Variants in CNTNAP2 observed in about 807,000 individuals in gnomAD.
The protein encoded by CNTNAP2 is contactin-associated protein-like 2.
In CNTNAP2, 98 loss-of-function variants were observed where a neutral mutation model predicts 155.2. The observed-to-expected ratio is 0.63, with a 90% CI of 0.54 to 0.75. CNTNAP2 has a LOEUF of 0.75. Among genes scored for constraint, CNTNAP2 ranks in the 30% least tolerant of loss-of-function variants. CNTNAP2 has a pLI of 0.00. For synonymous variants in CNTNAP2, 651 were observed against 631.2 expected, an observed-to-expected ratio of 1.03 and a Z score of -0.47; for missense variants, 1,727 against 1,688.1, an observed-to-expected ratio of 1.02 and a Z score of -0.40.
At chr7:147,596,212 C>T (rs868557262) in intron 12 of CNTNAP2, among the ~76,000 whole-genome samples, 1 of 152,190 alleles carries the variant, frequency 6.6e-6, no homozygotes, top group East Asian at 1.9e-4. Context: ...AGTCATCATA[C>T]ACACTCGTCT....
chr7:146,681,904 A>T (rs373946829), intron 1 of CNTNAP2, among the ~76,000 whole-genome samples: 1 of 152,174 alleles, frequency 6.6e-6, no homozygotes, highest in Non-Finnish European at 1.5e-5. Flanking sequence ...TCTATTCATC[A>T]TCTCTATCTA....
chr7:147,659,459 T>C (rs561750076), intron 13 of CNTNAP2, among the ~76,000 whole-genome samples: 1 of 152,222 alleles, frequency 6.6e-6, no homozygotes, highest in Non-Finnish European at 1.5e-5. Context: ...GAAACTGTTG[T>C]GATAATAAAT....
At chr7:147,465,122 TAGAA>T (rs893563269) in intron 10 of CNTNAP2, among the ~76,000 whole-genome samples, 1 of 151,960 alleles carries the variant, frequency 6.6e-6, no homozygotes, top group Non-Finnish European at 1.5e-5. Flanking sequence ...GACACAAAGA[TAGAA>T]AGAGTAGACA....
At chr7:148,313,446 C>CA (rs1025361094) in intron 21 of CNTNAP2, among the ~76,000 whole-genome samples, 1 of 150,168 alleles carries the variant, frequency 6.7e-6, no homozygotes, top group Non-Finnish European at 1.5e-5. Context: ...ACAGATGGGA[C>CA]ATGGCTTAGG....
chr7:147,414,286 C>T (rs907046034), intron 10 of CNTNAP2, among the ~76,000 whole-genome samples: 1 of 151,826 alleles, frequency 6.6e-6, no homozygotes, highest in Non-Finnish European at 1.5e-5. Flanking sequence ...TAGCTGGGCT[C>T]TGTGGCAGGT....
chr7:147,712,619 T>C (rs1182046690), intron 13 of CNTNAP2, among the ~76,000 whole-genome samples: 1 of 152,086 alleles, frequency 6.6e-6, no homozygotes, highest in Non-Finnish European at 1.5e-5. Flanking sequence ...CTGGAAACCA[T>C]CATTCTGAGC....
chr7:146,531,869 C>T (rs961590210), intron 1 of CNTNAP2, among the ~76,000 whole-genome samples: 1 of 152,068 alleles, frequency 6.6e-6, no homozygotes, highest in Non-Finnish European at 1.5e-5. Context: ...ACAACATAAA[C>T]TTCTTGAGCA....
At chr7:147,348,013 C>A (rs1351335937) in intron 9 of CNTNAP2, among the ~76,000 whole-genome samples, 1 of 151,998 alleles carries the variant, frequency 6.6e-6, no homozygotes, top group Non-Finnish European at 1.5e-5. Flanking sequence ...CCACCTCACA[C>A]ATAATCAACT....
In CNTNAP2 at chr7:146,395,579, G is replaced by A. The variant is rs536097437; in HGVS notation, c.97+278606G>A. On this transcript the variant is annotated intron_variant, in intron 1 of 23. Coordinates refer to ENST00000361727, the MANE Select transcript of CNTNAP2 (RefSeq NM_014141.6). Reference sequence around the variant, plus strand: ...GTTTAAAACTATTGCTATGGGAAATGAATTGAACAAATCATGTGCTTACCT... The same window carrying A: ...GTTTAAAACTATTGCTATGGGAAATAAATTGAACAAATCATGTGCTTACCT... Among the ~76,000 whole-genome samples, 40 of 152,150 alleles carry A rather than the reference G, an allele frequency of 2.6e-4. No homozygotes were observed. In the South Asian group the frequency reaches 4.4e-3, roughly 17 times the overall value.
At chr7:147,510,867 A>G (rs1799005625) in intron 11 of CNTNAP2, among the ~76,000 whole-genome samples, 1 of 143,102 alleles carries the variant, frequency 7.0e-6, no homozygotes, top group Non-Finnish European at 1.5e-5. Context: ...ATATATATAT[A>G]TATAATGCTT....
chr7:146,652,371 T>A (rs1799929578), intron 1 of CNTNAP2, among the ~76,000 whole-genome samples: 1 of 152,168 alleles, frequency 6.6e-6, no homozygotes, highest in South Asian at 2.1e-4. Flanking sequence ...TGTGGGCTAC[T>A]TCTGTTTTCA....
chr7:147,990,010 CTT>C (rs1301232697), intron 15 of CNTNAP2, among the ~76,000 whole-genome samples: 1 of 151,980 alleles, frequency 6.6e-6, no homozygotes, highest in African/African-American at 2.4e-5. Context: ...CAGCTGCAAA[CTT>C]GGGTGGCTCT....
At chr7:146,421,731 A>G (rs1036959362) in intron 1 of CNTNAP2, among the ~76,000 whole-genome samples, 1 of 152,080 alleles carries the variant, frequency 6.6e-6, no homozygotes, top group African/African-American at 2.4e-5. Context: ...ACCATAGAAG[A>G]TATCATAGAC....
chr7:146,691,178 T>C (rs1800691852), intron 1 of CNTNAP2, among the ~76,000 whole-genome samples: 1 of 152,152 alleles, frequency 6.6e-6, no homozygotes, highest in Non-Finnish European at 1.5e-5. Flanking sequence ...GTAATCACCT[T>C]CTTTAGGAAA....
At chr7:147,784,386 A>ATG (rs1554434463) in intron 13 of CNTNAP2, among the ~76,000 whole-genome samples, 2 of 100,916 alleles carry the variant, frequency 2.0e-5, no homozygotes, top group African/African-American at 1.2e-4. Flanking sequence ...AAAAACATAT[A>ATG]TATATATATA....
rs1037070328 is a variant in CNTNAP2, at chr7:146,250,873, G to A, written c.97+133900G>A. Among the ~76,000 whole-genome samples, 3 of 152,246 alleles carry A rather than the reference G, an allele frequency of 2.0e-5. No homozygotes were observed. The East Asian group carries it at 5.8e-4, about 29-fold the overall frequency. ...GGGCTTAAGTATGCCTTGTAAGTAT[G>A]TAAAAAGATATAAAATTACCATGCA... On this transcript the variant is annotated intron_variant, in intron 1 of 23. Coordinates refer to ENST00000361727, the MANE Select transcript of CNTNAP2 (RefSeq NM_014141.6).
chr7:147,687,540 G>A (rs535449370), intron 13 of CNTNAP2, among the ~76,000 whole-genome samples: 1 of 152,096 alleles, frequency 6.6e-6, no homozygotes, highest in South Asian at 2.1e-4. Context: ...TAGTAGAAGG[G>A]CAGATGGCAA....
Position 146,458,889 on chromosome 7 carries a change from G to A in CNTNAP2, c.98-315382G>A, listed in dbSNP as rs187916524. ...GACTTGCCACCCTCGATGATTGGCT[G>A]AGCTAATTCCTTATAATATGTGTAT... is the stretch of plus-strand genomic sequence containing the variant. On this transcript the variant is annotated intron_variant, in intron 1 of 23. Coordinates refer to ENST00000361727, the MANE Select transcript of CNTNAP2 (RefSeq NM_014141.6). Among the ~76,000 whole-genome samples the A allele has an allele frequency of 1.8e-3, 276 of 152,216 alleles. 1 individual carries two copies. The highest frequency in any genetic ancestry group is 5.9e-3 in the African/African-American group (245 of 41,516).
At chr7:147,644,547 G>C (rs78217839) in intron 13 of CNTNAP2, among the ~76,000 whole-genome samples, 1,647 of 152,188 alleles carry the variant, frequency 0.011, 29 homozygotes, top group African/African-American at 0.038. Context: ...ACTTGAACTC[G>C]GGAGGCAGAG....
Sources: allele counts gnomAD v4.1 joint callset (sites outside exome capture counted in the v4.1 genomes callset), GRCh38; gene constraint gnomAD v4.1.1; transcripts MANE v1.5; gene names NCBI Gene and HGNC (gene_info 2026-07-23, HGNC 2026-07-21).